The following DPP6 variants were observed in gnomAD, a reference collection of about 807,000 sequenced individuals.
The protein encoded by DPP6 is dipeptidyl peptidase like 6.
In DPP6, 69 loss-of-function variants were observed where a neutral mutation model predicts 122.6. That is an observed-to-expected ratio of 0.56 (90% CI 0.46 to 0.69). DPP6 has a LOEUF of 0.69. Ranked by LOEUF, DPP6 falls within the 30% of genes least tolerant of loss-of-function variation. The pLI, the probability that DPP6 is intolerant of heterozygous loss-of-function variation, is 0.00. For missense variants in DPP6, 928 were observed against 1,116.9 expected (o/e 0.83, Z 2.41); for synonymous variants, 418 against 433.1 (o/e 0.97, Z 0.43).
intron 7 of DPP6, among the ~76,000 whole-genome samples, chr7:154,713,196 C>A (rs1189708538): frequency 6.6e-6 from 1 of 152,260 alleles, no homozygotes; most frequent in Non-Finnish European, 1.5e-5. Flanking sequence ...CCCATGGGGG[C>A]AGCTCTGCCC....
intron 1 of DPP6, among the ~76,000 whole-genome samples, chr7:154,433,135 A>ATTTT (rs1349065971): frequency 1.0e-5 from 1 of 97,842 alleles, no homozygotes; most frequent in Non-Finnish European, 1.9e-5. Context: ...CTAGACTGCA[A>ATTTT]GTTTTTTTTT....
chr7:154,312,846 T>C (rs1214610430), intron 1 of DPP6, among the ~76,000 whole-genome samples: 1 of 152,208 alleles, frequency 6.6e-6, no homozygotes, highest in Admixed American at 6.5e-5. Flanking sequence ...AACCAAAAAA[T>C]ATTCAAAGCA....
intron 24 of DPP6, 25 bp from the exon 25 acceptor site, chr7:154,889,432 C>CTTTTT: frequency 6.7e-7 from 1 of 1,494,270 alleles, no homozygotes; most frequent in Admixed American, 2.3e-5. Flanking sequence ...GTCTTCCTCT[C>CTTTTT]TTTTTTTTTT....
rs567274436 is a variant in DPP6 at position 154,468,302 on chromosome 7, T to C, written c.359-6637T>C. ...AAGAAGATTTTTGGTTGCGAAGAGC[T>C]GAAGAGAGATGTGGGAGAATAGAGA... is the stretch of plus-strand genomic sequence containing the variant. On this transcript the variant is annotated intron_variant, in intron 2 of 25. Coordinates refer to ENST00000377770, the MANE Select transcript of DPP6 (RefSeq NM_130797.4). Among the ~76,000 whole-genome samples the C allele has an allele frequency of 3.9e-5, 6 of 152,336 alleles. No homozygotes were observed. The South Asian group carries it at 1.2e-3, about 32-fold the overall frequency.
chr7:154,133,606 G>T (rs1331384815), intron 1 of DPP6, among the ~76,000 whole-genome samples: 2 of 152,158 alleles, frequency 1.3e-5, no homozygotes, highest in Non-Finnish European at 2.9e-5. Context: ...TATAGTTTTT[G>T]TACAATTTGG....
At chr7:154,496,183 G>A (rs183382084) in intron 3 of DPP6, among the ~76,000 whole-genome samples, 1 of 151,942 alleles carries the variant, frequency 6.6e-6, no homozygotes, top group East Asian at 1.9e-4. Flanking sequence ...TTCCTCTCTG[G>A]AATAAATACT....
the DPP6 span, among the ~76,000 whole-genome samples, chr7:153,780,246 G>T: frequency 6.6e-6 from 1 of 152,152 alleles, no homozygotes; most frequent in Non-Finnish European, 1.5e-5. Context: ...GTATTCTCAT[G>T]ATATAACTCC....
intron 1 of DPP6, among the ~76,000 whole-genome samples, chr7:154,366,756 A>T (rs1031096628): frequency 1.5e-4 from 23 of 152,156 alleles, no homozygotes; most frequent in Admixed American, 1.2e-3. Flanking sequence ...TAAATGGGAT[A>T]AAAAAAATCA....
intron 1 of DPP6, among the ~76,000 whole-genome samples, chr7:154,274,939 C>T (rs560899800): frequency 2.0e-5 from 3 of 152,356 alleles, no homozygotes; most frequent in South Asian, 2.1e-4. Flanking sequence ...AATCACAGGC[C>T]GGGAGCTACA....
At chr7:154,195,494 G>T (rs1285450389) in intron 1 of DPP6, among the ~76,000 whole-genome samples, 1 of 152,032 alleles carries the variant, frequency 6.6e-6, no homozygotes, top group Non-Finnish European at 1.5e-5. Flanking sequence ...ACTGCCATTG[G>T]CCGGCAGCCT....
intron 1 of DPP6, among the ~76,000 whole-genome samples, chr7:154,154,223 T>C (rs1195004194): frequency 6.6e-6 from 1 of 152,214 alleles, no homozygotes; most frequent in Non-Finnish European, 1.5e-5. Context: ...TATTCCATAC[T>C]TCGCTGGGAT....
the DPP6 span, among the ~76,000 whole-genome samples, chr7:153,821,830 A>G: frequency 6.6e-6 from 1 of 151,408 alleles, no homozygotes; most frequent in South Asian, 2.1e-4. Flanking sequence ...CTATGGCAGG[A>G]AAGATGCTTC....
chr7:154,519,803 T>C (rs1169535230), intron 3 of DPP6, among the ~76,000 whole-genome samples: 7 of 152,236 alleles, frequency 4.6e-5, no homozygotes, highest in African/African-American at 1.7e-4. Context: ...ATTCAGTTTT[T>C]TCCTTTGTAA....
At chr7:154,444,228 C>T (rs150890525) in intron 1 of DPP6, among the ~76,000 whole-genome samples, 7 of 151,506 alleles carry the variant, frequency 4.6e-5, no homozygotes, top group Non-Finnish European at 1.0e-4. Flanking sequence ...GAGGCCGAGG[C>T]GGGCGGATCG....
rs200604560 is a variant in DPP6 at position 154,029,617 on chromosome 7, T to C, written c.51+141883T>C. ...ATCCCAGCACTTTGGGAGGCTGAGG[T>C]AGGTGGATCATGAGGTCAGGAGATC... On this transcript the variant is annotated intron_variant, in intron 1 of 25. Coordinates refer to the DPP6 transcript ENST00000404039. Among the ~76,000 whole-genome samples, 60 of 115,818 alleles carry C rather than the reference T, an allele frequency of 5.2e-4. No individual in the cohort carries two copies. The Middle Eastern group carries it at 0.023, about 45-fold the overall frequency. The allele number at this position is 115,818 out of a possible 152,430, so 76.0% of individuals were successfully genotyped here. A position where few individuals can be genotyped will look rare whatever the true frequency, so the allele number is the denominator to read the frequency against.
intron 6 of DPP6, among the ~76,000 whole-genome samples, chr7:154,645,614 C>G (rs140078985): frequency 2.1e-4 from 32 of 152,284 alleles, no homozygotes; most frequent in African/African-American, 7.7e-4. Flanking sequence ...TCCTTTGCTC[C>G]TCTGGGCACA....
At chr7:154,304,839 G>T (rs1355233926) in intron 1 of DPP6, among the ~76,000 whole-genome samples, 4 of 152,180 alleles carry the variant, frequency 2.6e-5, no homozygotes, top group Non-Finnish European at 5.9e-5. Context: ...AAAAAACAAA[G>T]GGCATCCCTC....
chr7:154,682,007 C>T (rs964680609), intron 7 of DPP6, among the ~76,000 whole-genome samples: 2 of 152,204 alleles, frequency 1.3e-5, no homozygotes, highest in Non-Finnish European at 2.9e-5. Context: ...TCAACAAATA[C>T]TTGTGAAATG....
chr7:154,448,818 AAAG>A (rs1411092440), intron 2 of DPP6, among the ~76,000 whole-genome samples: 1 of 152,200 alleles, frequency 6.6e-6, no homozygotes, highest in Non-Finnish European at 1.5e-5. Flanking sequence ...TTCAATGAGG[AAAG>A]AATAGTCTTT....
Sources: allele counts gnomAD v4.1 joint callset (sites outside exome capture counted in the v4.1 genomes callset), GRCh38; gene constraint gnomAD v4.1.1; transcripts MANE v1.5; gene names NCBI Gene and HGNC (gene_info 2026-07-23, HGNC 2026-07-21).